The following SHISA9 variants were observed in gnomAD, a reference collection of about 807,000 sequenced individuals.
SHISA9 encodes protein shisa-9.
In SHISA9, 13 loss-of-function variants were observed where a neutral mutation model predicts 38.0. The observed-to-expected ratio is 0.34, with a 90% confidence interval of 0.22 to 0.54. The LOEUF (loss-of-function observed/expected upper bound fraction) is 0.54, where lower values mean the gene tolerates loss of function less well. Ranked by LOEUF, SHISA9 falls within the 20% of genes least tolerant of loss-of-function variation. SHISA9 has a pLI of 0.91. For synonymous variants in SHISA9, 275 were observed against 242.0 expected, an observed-to-expected ratio of 1.14 and a Z score of -1.27; for missense variants, 538 against 575.8, an observed-to-expected ratio of 0.93 and a Z score of 0.67.
At chr16:13,557,841 T>C in the SHISA9 span, among the ~76,000 whole-genome samples, 3 of 151,988 alleles carry the variant, frequency 2.0e-5, no homozygotes, top group Admixed American at 6.6e-5. Flanking sequence ...CCTGGCTCAC[T>C]CCTCTCCAGC....
the SHISA9 span, chr16:13,562,762 A>G: frequency 6.6e-6 from 1 of 152,176 alleles, no homozygotes; most frequent in Non-Finnish European, 1.5e-5. Context: ...TGCCAGACTC[A>G]CAGGCTACGG....
At chr16:13,437,570 C>G in the SHISA9 span, among the ~76,000 whole-genome samples, 1 of 152,222 alleles carries the variant, frequency 6.6e-6, no homozygotes, top group Admixed American at 6.5e-5. Context: ...GTGTGTTTAC[C>G]CTCTTCTGTG....
intron 2 of SHISA9, among the ~76,000 whole-genome samples, chr16:12,970,723 C>T (rs1378137613): frequency 2.7e-5 from 4 of 150,572 alleles, no homozygotes; most frequent in Middle Eastern, 3.4e-3. Context: ...GGGGTTTCAC[C>T]GTGTTGGCCA....
chr16:13,222,978 C>T (rs902075426), intron 4 of SHISA9, among the ~76,000 whole-genome samples: 6 of 152,164 alleles, frequency 3.9e-5, no homozygotes, highest in Non-Finnish European at 7.3e-5. Context: ...GTCCTCTACA[C>T]GATTCTCTTC....
At chr16:13,320,334 C>T in the SHISA9 span, among the ~76,000 whole-genome samples, 1 of 129,604 alleles carries the variant, frequency 7.7e-6, no homozygotes, top group African/African-American at 2.8e-5. Flanking sequence ...GGCAAAACAG[C>T]AATAGGCTCA....
At chr16:12,908,700 G>C (rs974389947) in intron 1 of SHISA9, 3 of 1,496,180 alleles carry the variant, frequency 2.0e-6, no homozygotes, top group Non-Finnish European at 2.7e-6. Flanking sequence ...TCATGCATCG[G>C]GGCCAGTTCA....
chr16:13,490,377 T>C, the SHISA9 span, among the ~76,000 whole-genome samples: 40,302 of 151,980 alleles, frequency 0.27, 5,746 homozygotes, highest in East Asian at 0.42. Context: ...GGACAGACCC[T>C]ATCTCTACAA....
intron 2 of SHISA9, among the ~76,000 whole-genome samples, chr16:13,102,650 G>A (rs1404679409): frequency 6.6e-6 from 1 of 151,970 alleles, no homozygotes; most frequent in East Asian, 1.9e-4. Context: ...TCCTCCTTTT[G>A]TCCTCCCTCT....
At chr16:13,311,745 T>C in the SHISA9 span, among the ~76,000 whole-genome samples, 5 of 152,234 alleles carry the variant, frequency 3.3e-5, no homozygotes, top group Non-Finnish European at 1.5e-5. Flanking sequence ...CAGTGTTATG[T>C]GGCAGGTAGG....
At chr16:13,261,270 A>G in the SHISA9 span, among the ~76,000 whole-genome samples, 10 of 152,070 alleles carry the variant, frequency 6.6e-5, no homozygotes, top group African/African-American at 2.4e-4. Context: ...ATGGGAGAAG[A>G]CTCTAGTCCG....
the SHISA9 span, among the ~76,000 whole-genome samples, chr16:13,468,436 T>C: frequency 6.6e-6 from 1 of 152,234 alleles, no homozygotes; most frequent in African/African-American, 2.4e-5. Context: ...ACCACAGATA[T>C]AAATGTGATG....
the SHISA9 span, among the ~76,000 whole-genome samples, chr16:13,469,389 G>GAAAGA: frequency 2.0e-4 from 20 of 101,566 alleles, no homozygotes; most frequent in African/African-American, 8.0e-4. Context: ...AAGAAAGAAA[G>GAAAGA]AAAGAAAGAA....
At chr16:13,279,610 A>C in the SHISA9 span, among the ~76,000 whole-genome samples, 1 of 151,978 alleles carries the variant, frequency 6.6e-6, no homozygotes, top group African/African-American at 2.4e-5. Context: ...ATTTGAAAAT[A>C]ATGAATATTC....
At chr16:13,361,557 A>T in the SHISA9 span, among the ~76,000 whole-genome samples, 2 of 152,214 alleles carry the variant, frequency 1.3e-5, no homozygotes. Flanking sequence ...CCATTTGTAG[A>T]TGACAAAATG....
At chr16:12,991,410 C>T (rs1479046179) in intron 2 of SHISA9, among the ~76,000 whole-genome samples, 1 of 152,074 alleles carries the variant, frequency 6.6e-6, no homozygotes, top group Non-Finnish European at 1.5e-5. Context: ...ATAGAGAGGT[C>T]ATTTAAAGTT....
At chr16:13,251,058 C>T in the SHISA9 span, among the ~76,000 whole-genome samples, 5 of 152,150 alleles carry the variant, frequency 3.3e-5, no homozygotes, top group African/African-American at 1.2e-4. Flanking sequence ...TCTTCACCTG[C>T]ACGATAGGGT....
rs577272896 is a variant in SHISA9, at chr16:12,903,220, C to A, written c.563+593C>A. ...CCTCGCTTTCCCAGAGCTTCGCCGT[C>A]CCTGGATTTGGGACCTCAGCTGCCC... On this transcript the variant is annotated intron_variant, in intron 1 of 4. Coordinates refer to ENST00000558583, the MANE Select transcript of SHISA9 (RefSeq NM_001145204.3). Among the ~76,000 whole-genome samples, 22 of 152,256 alleles carry A rather than the reference C, an allele frequency of 1.4e-4. No homozygotes were observed. In the East Asian group the frequency reaches 4.3e-3, roughly 30 times the overall value.
At chr16:12,960,858 A>G (rs1012427191) in intron 2 of SHISA9, among the ~76,000 whole-genome samples, 1 of 151,418 alleles carries the variant, frequency 6.6e-6, no homozygotes, top group African/African-American at 2.4e-5. Context: ...TTCCAGGAAC[A>G]TTTTGGTAAT....
chr16:13,159,068 A>AC (rs1398011778), intron 2 of SHISA9, among the ~76,000 whole-genome samples: 2 of 151,732 alleles, frequency 1.3e-5, no homozygotes, highest in African/African-American at 2.4e-5. Flanking sequence ...CAAAAAAAAA[A>AC]AAAACAAAAC....
Sources: allele counts gnomAD v4.1 joint callset (sites outside exome capture counted in the v4.1 genomes callset), GRCh38; gene constraint gnomAD v4.1.1; transcripts MANE v1.5; gene names NCBI Gene and HGNC (gene_info 2026-07-23, HGNC 2026-07-21).